The following ARL13A variants were observed in gnomAD, a reference collection of about 807,000 sequenced individuals.
ARL13A encodes the protein ARF like GTPase 13A, also known as ADP-ribosylation factor-like protein 13A.
In ARL13A, 16 loss-of-function variants were observed where a neutral mutation model predicts 19.1. The observed-to-expected ratio is 0.84, with a 90% CI of 0.57 to 1.27. ARL13A has a LOEUF of 1.27. ARL13A is among the 50% of genes most tolerant of loss of function. The pLI is 0.00. For synonymous variants in ARL13A, 69 were observed against 71.3 expected (o/e 0.97, Z 0.17); for missense variants, 153 against 186.4 (o/e 0.82, Z 1.04).
intron 1 of ARL13A, among the ~76,000 whole-genome samples, chrX:100,971,548 T>G (rs1385179949): frequency 3.4e-5 from 3 of 87,873 alleles, no homozygotes; most frequent in Non-Finnish European, 6.3e-5. Context: ...GTCGCTGCAG[T>G]TGAGAATAAC....
intron 3 of ARL13A, among the ~76,000 whole-genome samples, chrX:100,975,548 T>C (rs768791078): frequency 9.0e-6 from 1 of 111,468 alleles, no homozygotes; most frequent in Admixed American, 9.6e-5. Flanking sequence ...CATTTTCAGG[T>C]AGGTATTCAA....
At chrX:100,988,357 C>G in intron 7 of ARL13A, 74 bp downstream of exon 7, 1 of 1,207,143 alleles carries the variant, frequency 8.3e-7, no homozygotes, top group Non-Finnish European at 1.1e-6. Context: ...CTTTCCCCCC[C>G]ATCATCTTCT....
At chrX:100,988,950 T>C (rs1468549623) in intron 7 of ARL13A, among the ~76,000 whole-genome samples, 1 of 104,456 alleles carries the variant, frequency 9.6e-6, no homozygotes, top group African/African-American at 3.5e-5. Flanking sequence ...CCAAGGATAA[T>C]TACGCAAGTA....
chrX:100,975,711 C>T (rs956882587), intron 3 of ARL13A, among the ~76,000 whole-genome samples: 5 of 108,269 alleles, frequency 4.6e-5, no homozygotes, highest in Admixed American at 9.9e-5. Flanking sequence ...CAGCTCACTG[C>T]AACCTCCACC....
chrX:100,972,563 G>A (rs1321010241), intron 1 of ARL13A, among the ~76,000 whole-genome samples: 95 of 57,831 alleles, frequency 1.6e-3, no homozygotes, highest in Non-Finnish European at 1.9e-3. Context: ...CCTCCCGGAC[G>A]GGGCGGCTGG....
intron 3 of ARL13A, among the ~76,000 whole-genome samples, chrX:100,982,483 A>G (rs1417354369): frequency 9.5e-6 from 1 of 105,075 alleles, no homozygotes; most frequent in Admixed American, 1.0e-4. Context: ...ATAAATAAAT[A>G]AATAAATAAA....
chrX:100,984,293 T>G (rs1444944241), intron 3 of ARL13A, among the ~76,000 whole-genome samples: 2 of 108,379 alleles, frequency 1.8e-5, no homozygotes, highest in Non-Finnish European at 3.8e-5. Flanking sequence ...TGTTTTTTGT[T>G]TTTTTTTTTC....
intron 3 of ARL13A, among the ~76,000 whole-genome samples, chrX:100,982,730 A>C (rs893324541): frequency 9.6e-6 from 1 of 104,433 alleles, no homozygotes; most frequent in Non-Finnish European, 1.9e-5. Flanking sequence ...ATCATGGGTC[A>C]CTACAGCCTC....
At position 100,974,311 on chromosome X, in the gene ARL13A, G is replaced by T. The variant is rs185010982; in HGVS notation, c.130+114G>T. The stretch of plus-strand genomic sequence containing the variant: ...CATGGCCCTCAATTTCCCTCTTTTT[G>T]TGCATAAACACCTCCTAACACACAC... On this transcript the variant is annotated intron_variant, in intron 3 of 7. Transcript: ENST00000450049. The T allele has an allele frequency of 8.0e-4, 428 of 537,582 alleles. 3 individuals are homozygous for T. The East Asian group carries it at 0.015, about 19-fold the overall frequency. The allele number at this position is 537,582 out of a possible 1,213,427, so 44.3% of individuals were successfully genotyped here.
At position 100,974,543 on chromosome X, in the gene ARL13A, T is replaced by C. The variant is rs185539978; in HGVS notation, c.130+346T>C. On this transcript the variant is annotated intron_variant, in intron 3 of 7. Transcript: ENST00000450049. ...AAGCATTGCAGTCAATTATGAAGGA[T>C]AGCATGTTTGAAATGATGTCTAGTT... Among the ~76,000 whole-genome samples the C allele has an allele frequency of 4.8e-4, 54 of 111,517 alleles. No homozygotes were observed. In the East Asian group the frequency reaches 0.011, roughly 22 times the overall value.
chrX:100,981,327 G>A (rs369385371), intron 3 of ARL13A, among the ~76,000 whole-genome samples: 3 of 111,850 alleles, frequency 2.7e-5, no homozygotes, highest in East Asian at 5.7e-4. Context: ...TCTGCCCTAT[G>A]TAGTTTTCTG....
intron 7 of ARL13A, among the ~76,000 whole-genome samples, chrX:100,989,032 TA>T (rs1403623529): frequency 9.1e-6 from 1 of 109,460 alleles, no homozygotes; most frequent in Non-Finnish European, 1.9e-5. Context: ...AAACATCCTA[TA>T]TGTCCAACAA....
chrX:100,989,019 A>T (rs2085982089), intron 7 of ARL13A, among the ~76,000 whole-genome samples: 1 of 109,433 alleles, frequency 9.1e-6, no homozygotes, highest in South Asian at 3.9e-4. Context: ...AAGTAAAAGT[A>T]GGAAACATCC....
chrX:100,975,431 A>G (rs889080787), intron 3 of ARL13A, among the ~76,000 whole-genome samples: 14 of 111,410 alleles, frequency 1.3e-4, no homozygotes, highest in African/African-American at 4.6e-4. Flanking sequence ...GCATGCACTT[A>G]TTACAACATC....
chrX:100,990,377 A>G, intron 7 of ARL13A, 185 bp from the exon 8 acceptor site: 1 of 933,848 alleles, frequency 1.1e-6, no homozygotes, highest in Non-Finnish European at 1.3e-6. Flanking sequence ...AGAGAAAAAC[A>G]GAGGGAAACC....
chrX:100,982,607 C>T (rs1322487724), intron 3 of ARL13A, among the ~76,000 whole-genome samples: 1 of 107,019 alleles, frequency 9.3e-6, no homozygotes, highest in Non-Finnish European at 1.9e-5. Context: ...CCTGGAGATT[C>T]AAAAGTTTGG....
At chrX:100,975,041 C>T (rs896273560) in intron 3 of ARL13A, among the ~76,000 whole-genome samples, 2 of 111,817 alleles carry the variant, frequency 1.8e-5, no homozygotes, top group African/African-American at 3.3e-5. Flanking sequence ...ATTCAATCCA[C>T]ATAGCTACCA....
At chrX:100,975,163 T>C (rs916840059) in intron 3 of ARL13A, among the ~76,000 whole-genome samples, 17 of 112,190 alleles carry the variant, frequency 1.5e-4, no homozygotes, top group African/African-American at 5.5e-4. Flanking sequence ...AAGCCCTCTA[T>C]GAGTTGGTCC....
intron 3 of ARL13A, among the ~76,000 whole-genome samples, chrX:100,984,568 G>A (rs942103579): frequency 8.9e-6 from 1 of 112,654 alleles, no homozygotes; most frequent in African/African-American, 3.2e-5. Context: ...TCTTGGAAGA[G>A]ATATGTGGGA....
Sources: allele counts gnomAD v4.1 joint callset (sites outside exome capture counted in the v4.1 genomes callset), GRCh38; gene constraint gnomAD v4.1.1; transcripts MANE v1.5; gene names NCBI Gene and HGNC (gene_info 2026-07-23, HGNC 2026-07-21).